CLVS1: variants seen among roughly 807,000 people sequenced by gnomAD.
The protein encoded by CLVS1 is clavesin 1.
Under a neutral mutation model 33.1 loss-of-function variants are expected in CLVS1, and 10 were observed. The observed-to-expected ratio is 0.30, with a 90% confidence interval of 0.19 to 0.51. The LOEUF (loss-of-function observed/expected upper bound fraction) is 0.51, where lower values mean the gene tolerates loss of function less well. Ranked by LOEUF, CLVS1 falls within the 20% of genes least tolerant of loss-of-function variation. The pLI, the probability that CLVS1 is intolerant of heterozygous loss-of-function variation, is 0.97. For missense variants in CLVS1, 343 were observed against 433.4 expected, an observed-to-expected ratio of 0.79 and a Z score of 1.85; for synonymous variants, 163 against 166.1, an observed-to-expected ratio of 0.98 and a Z score of 0.14.
chr8:61,486,116 A>AATAAATAAATAT (rs1803873103), intron 5 of CLVS1, among the ~76,000 whole-genome samples: 1 of 151,706 alleles, frequency 6.6e-6, no homozygotes, highest in African/African-American at 2.4e-5. Flanking sequence ...TAAATAAATA[A>AATAAATAAATAT]ATAAATAAAT....
upstream of CLVS1, chr8:61,287,905 G>A (rs1371708820): frequency 2.9e-5 from 10 of 349,930 alleles, no homozygotes; most frequent in South Asian, 8.5e-5. Flanking sequence ...GTTGTGGTAC[G>A]GAGGCATTTA....
chr8:61,185,729 CCAGA>C (rs1248070992), intron 2 of CLVS1, among the ~76,000 whole-genome samples: 3 of 152,022 alleles, frequency 2.0e-5, no homozygotes, highest in Admixed American at 6.5e-5. Context: ...GTTTTGGCAA[CCAGA>C]CAGTCATTTA....
intron 1 of CLVS1, among the ~76,000 whole-genome samples, chr8:61,078,042 C>T (rs979873951): frequency 2.0e-5 from 3 of 152,140 alleles, no homozygotes; most frequent in Non-Finnish European, 4.4e-5. Context: ...CGGAGGAAGC[C>T]GAGGGGAGCG....
At chr8:61,238,803 G>A (rs1476276275) in intron 2 of CLVS1, among the ~76,000 whole-genome samples, 3 of 152,206 alleles carry the variant, frequency 2.0e-5, no homozygotes, top group African/African-American at 7.2e-5. Flanking sequence ...TGCTATTGGA[G>A]CTATTGAGGT....
intron 2 of CLVS1, among the ~76,000 whole-genome samples, chr8:61,312,765 G>A (rs1039427339): frequency 2.6e-5 from 4 of 152,054 alleles, no homozygotes; most frequent in Non-Finnish European, 4.4e-5. Flanking sequence ...ATTTAATCTC[G>A]ACAAAATCGC....
chr8:61,349,014 A>G (rs576207123), intron 2 of CLVS1, among the ~76,000 whole-genome samples: 8 of 152,118 alleles, frequency 5.3e-5, no homozygotes, highest in Non-Finnish European at 1.0e-4. Flanking sequence ...GGCCATTTGT[A>G]TGTCTCCTTT....
At chr8:61,032,525 T>G in the CLVS1 span, among the ~76,000 whole-genome samples, 39 of 152,290 alleles carry the variant, frequency 2.6e-4, no homozygotes, top group East Asian at 7.3e-3. Flanking sequence ...GCCAGGGAGC[T>G]GATGGCCATC....
chr8:61,145,761 A>G (rs981189732), intron 2 of CLVS1, among the ~76,000 whole-genome samples: 2 of 152,206 alleles, frequency 1.3e-5, no homozygotes, highest in Non-Finnish European at 1.5e-5. Flanking sequence ...GATTGTGGTC[A>G]GTGGATATGG....
chr8:61,252,826 A>T (rs1808981231), intron 2 of CLVS1, among the ~76,000 whole-genome samples: 1 of 152,110 alleles, frequency 6.6e-6, no homozygotes, highest in Admixed American at 6.5e-5. Flanking sequence ...TAAACGTGAG[A>T]TGGGTCTCCT....
intron 2 of CLVS1, among the ~76,000 whole-genome samples, chr8:61,275,598 C>T (rs541894140): frequency 7.9e-5 from 12 of 152,176 alleles, no homozygotes; most frequent in Non-Finnish European, 1.2e-4. Flanking sequence ...AAGCTTAGTT[C>T]GAAAGGTTGA....
At chr8:61,476,677 T>C (rs1817947209) in intron 5 of CLVS1, among the ~76,000 whole-genome samples, 1 of 152,252 alleles carries the variant, frequency 6.6e-6, no homozygotes, top group Non-Finnish European at 1.5e-5. Flanking sequence ...AAGTTGCTTA[T>C]CAACTTAAGG....
intron 5 of CLVS1, among the ~76,000 whole-genome samples, chr8:61,472,340 G>C (rs953592803): frequency 3.1e-4 from 47 of 152,062 alleles, no homozygotes; most frequent in African/African-American, 8.0e-4. Context: ...TCTGGAGAGG[G>C]GAGGGAAGGA....
chr8:61,072,019 G>T (rs1804805615), intron 1 of CLVS1, among the ~76,000 whole-genome samples: 1 of 152,254 alleles, frequency 6.6e-6, no homozygotes, highest in Non-Finnish European at 1.5e-5. Flanking sequence ...AGGCATCTGA[G>T]TCATGGAAAG....
chr8:61,374,144 A>C (rs1267322178), intron 2 of CLVS1, among the ~76,000 whole-genome samples: 2 of 152,224 alleles, frequency 1.3e-5, no homozygotes, highest in Non-Finnish European at 2.9e-5. Flanking sequence ...TGTATCCTCA[A>C]GGAGGCCATA....
chr8:61,288,046 C>A lies in CLVS1; in HGVS notation c.-244C>A, dbSNP rs920918886. On this transcript the variant is annotated 5_prime_UTR_variant, in exon 1 of 6. Transcript: ENST00000325897. ...CTTTCTAGAGAAATCTGAGCCCGAA[C>A]CTGCCAGAATAGGGGATCTCACCCA... 4 of 452,054 alleles carry A rather than the reference C, an allele frequency of 8.8e-6. No individual in the cohort carries two copies. Among genetic ancestry groups the A allele is most frequent in the Non-Finnish European group, 1.8e-5 (4 of 224,484 alleles). 28.0% of individuals were successfully genotyped at this position (452,054 alleles called of 1,614,324 possible).
In CLVS1 at chr8:61,453,839, A is replaced by G. The variant is rs534140542; in HGVS notation, c.631-302A>G. On this transcript the variant is annotated intron_variant, in intron 3 of 5. Transcript: ENST00000325897. ...AGAATTCAGATTCCCCTCACTCCTC[A>G]GGCTGCATGAGCTTCTGTGCCAAGT... 6.6e-5 allele frequency among the ~76,000 whole-genome samples: 10 copies of G among 152,314 alleles called. No homozygotes were observed. The South Asian group carries it at 1.4e-3, about 22-fold the overall frequency.
At chr8:61,352,705 A>G (rs1274642885) in intron 2 of CLVS1, among the ~76,000 whole-genome samples, 5 of 152,038 alleles carry the variant, frequency 3.3e-5, no homozygotes, top group Admixed American at 6.6e-5. Flanking sequence ...GAAGACATAA[A>G]TAAGTCAGCC....
At chr8:61,232,017 G>GTT (rs1808442167) in intron 2 of CLVS1, among the ~76,000 whole-genome samples, 1 of 59,686 alleles carries the variant, frequency 1.7e-5, no homozygotes, top group African/African-American at 6.5e-5. Context: ...CCTGAGGAAA[G>GTT]TTGTGGTTTT....
At chr8:61,340,050 GAAAA>G (rs1461701627) in intron 2 of CLVS1, among the ~76,000 whole-genome samples, 5 of 119,154 alleles carry the variant, frequency 4.2e-5, no homozygotes, top group Non-Finnish European at 9.2e-5. Context: ...AGGAAGGAAA[GAAAA>G]AAGAAAAAGA....
Sources: allele counts gnomAD v4.1 joint callset (sites outside exome capture counted in the v4.1 genomes callset), GRCh38; gene constraint gnomAD v4.1.1; transcripts MANE v1.5; gene names NCBI Gene and HGNC (gene_info 2026-07-23, HGNC 2026-07-21).